Variants in SPAG9 observed in about 807,000 individuals in gnomAD.
SPAG9 encodes C-Jun-amino-terminal kinase-interacting protein 4.
Under a neutral mutation model 166.5 loss-of-function variants are expected in SPAG9, and 35 were observed. The ratio of observed to expected loss-of-function variants is 0.21; its 90% CI spans 0.16 to 0.28. SPAG9 has a LOEUF of 0.28. SPAG9 is among the 10% of genes least tolerant of loss of function. The pLI is 1.00. For missense variants in SPAG9, 1,235 were observed against 1,603.3 expected (o/e 0.77, Z 3.92); for synonymous variants, 534 against 565.5 (o/e 0.94, Z 0.79).
intron 2 of SPAG9, among the ~76,000 whole-genome samples, chr17:51,063,556 A>T (rs2047577756): frequency 6.6e-6 from 1 of 152,198 alleles, no homozygotes; most frequent in Non-Finnish European, 1.5e-5. Context: ...GTTAAATAAC[A>T]GGAAAAATAC....
At chr17:51,065,620 C>T (rs1231566492) in intron 2 of SPAG9, among the ~76,000 whole-genome samples, 1 of 152,168 alleles carries the variant, frequency 6.6e-6, no homozygotes, top group Admixed American at 6.6e-5. Flanking sequence ...ACTAATGGCC[C>T]CCACTAAGGC....
In SPAG9 at chr17:50,967,038, G is replaced by T. The variant is rs551143573; in HGVS notation, c.3851-651C>A. 4.8e-4 allele frequency among the ~76,000 whole-genome samples: 73 copies of T among 152,314 alleles called. 1 individual carries two copies. Among genetic ancestry groups the T allele is most frequent in the Admixed American group, 1.2e-3 (19 of 15,298 alleles). Reference sequence around the variant, plus strand: ...AGGTTGGGGTAGCAGCCAAGATACAGGTTCTTCTGCATCACGGCTAAGTGA... The same window carrying T: ...AGGTTGGGGTAGCAGCCAAGATACATGTTCTTCTGCATCACGGCTAAGTGA... On this transcript the variant is annotated intron_variant, in intron 29 of 29. Transcript: ENST00000262013.
At chr17:50,997,272 A>G (rs1255905351) in intron 15 of SPAG9, among the ~76,000 whole-genome samples, 2 of 152,162 alleles carry the variant, frequency 1.3e-5, no homozygotes, top group Non-Finnish European at 2.9e-5. Context: ...CAGCCACCAA[A>G]TTTATATCAG....
chr17:51,102,695 G>A (rs757066930), intron 1 of SPAG9, among the ~76,000 whole-genome samples: 1 of 151,856 alleles, frequency 6.6e-6, no homozygotes, highest in Non-Finnish European at 1.5e-5. Context: ...GTAGAGATGG[G>A]GTTTTACCAT....
chr17:51,088,513 A>C (rs1320780410), intron 1 of SPAG9, among the ~76,000 whole-genome samples: 1 of 152,170 alleles, frequency 6.6e-6, no homozygotes, highest in African/African-American at 2.4e-5. Flanking sequence ...AAGGGAAGTC[A>C]AGGCTGGACA....
chr17:50,970,650 A>T, intron 29 of SPAG9, 57 bp downstream of exon 29: 3 of 1,491,666 alleles, frequency 2.0e-6, no homozygotes, highest in African/African-American at 1.4e-5. Context: ...TTACTTTGGG[A>T]CAAAACCCAA....
In SPAG9 at chr17:51,017,339, A is replaced by G. The variant is rs138781884; in HGVS notation, c.1091+2820T>C. ...GAGGGATGAAGGAGGGGCAGGACGA[A>G]CATGTTATTTTAGATACCTGAAGAC... On this transcript the variant is annotated intron_variant, in intron 8 of 29. Coordinates refer to ENST00000262013, the MANE Select transcript of SPAG9 (RefSeq NM_001130528.3). 5.5e-3 allele frequency among the ~76,000 whole-genome samples: 837 copies of G among 152,302 alleles called. 8 individuals are homozygous for G. The highest frequency in any genetic ancestry group is 0.019 in the African/African-American group (775 of 41,550).
At chr17:51,087,860 T>A (rs745775648) in intron 1 of SPAG9, among the ~76,000 whole-genome samples, 1 of 152,078 alleles carries the variant, frequency 6.6e-6, no homozygotes, top group Non-Finnish European at 1.5e-5. Flanking sequence ...CTCAGCCTTC[T>A]GAGTAGCTGG....
At position 51,005,317 on chromosome 17, in the gene SPAG9, C is replaced by CA. The variant is rs1288250555; in HGVS notation, c.1425-55dup. On this transcript the variant is annotated intron_variant, in intron 11 of 29. Transcript: ENST00000262013. ...GTTATTTGAATTGAGCTCATCTTTTCAAAAAAATAAGAGTAGGTCAACAAT... is the reference window on the plus strand; with the variant it reads ...GTTATTTGAATTGAGCTCATCTTTTCAAAAAAAATAAGAGTAGGTCAACAAT... 80 of 1,544,896 alleles carry CA rather than the reference C, an allele frequency of 5.2e-5. 1 individual carries two copies. In the Admixed American group the frequency reaches 1.3e-3, roughly 26 times the overall value.
chr17:51,051,044 CAAAA>C (rs778219207), intron 3 of SPAG9, among the ~76,000 whole-genome samples: 2 of 115,028 alleles, frequency 1.7e-5, no homozygotes, highest in Non-Finnish European at 3.7e-5. Flanking sequence ...AAAAAAAAAA[CAAAA>C]AGAAAAAGAA....
At chr17:51,011,654 A>T (rs2045490032) in intron 9 of SPAG9, among the ~76,000 whole-genome samples, 1 of 152,176 alleles carries the variant, frequency 6.6e-6, no homozygotes, top group African/African-American at 2.4e-5. Flanking sequence ...AAGAGCTGGG[A>T]TTACAGGCAT....
Position 51,120,469 on chromosome 17 carries a change from G to A in SPAG9, c.188C>T (p.Ser63Leu). Residue 63 changes from serine (S) to leucine (L), a missense_variant, in exon 1 of 30, where the codon TCG (serine) becomes TTG (leucine). This residue lies in a region of SPAG9 where 83 missense variants were observed against 149.8 expected (regional missense o/e 0.55). Coordinates refer to ENST00000262013, the MANE Select transcript of SPAG9 (RefSeq NM_001130528.3). This position sits in a 1 kb window ranked among gnomAD's most constrained non-coding sequence, Gnocchi z 4.7. ...LVVAVLENLD[S>L]VFAQDQEHQV... ...GTGCTCCTGGTCCTGCGCGAACACC[G>A]AGTCCAGGTTCTCCAGCACAGCCAC... is the stretch of plus-strand genomic sequence containing the variant. 3.1e-6 allele frequency: 5 copies of A among 1,613,976 alleles called. No homozygotes were observed. The highest frequency in any genetic ancestry group is 2.5e-6 in the Non-Finnish European group (3 of 1,179,898).
intron 29 of SPAG9, among the ~76,000 whole-genome samples, chr17:50,967,492 G>T (rs1221896921): frequency 6.6e-6 from 1 of 152,140 alleles, no homozygotes; most frequent in Admixed American, 6.5e-5. Context: ...TCAAACTAGA[G>T]AGAGGAGAAC....
chr17:51,043,066 T>C (rs752428373), intron 4 of SPAG9, among the ~76,000 whole-genome samples: 3 of 152,104 alleles, frequency 2.0e-5, no homozygotes, highest in Non-Finnish European at 2.9e-5. Context: ...ATTTTTGTAT[T>C]TGTAGTAGAG....
intron 9 of SPAG9, among the ~76,000 whole-genome samples, chr17:51,011,065 C>T (rs1030744744): frequency 5.9e-5 from 9 of 152,068 alleles, no homozygotes; most frequent in Non-Finnish European, 1.2e-4. Flanking sequence ...AAGTTGATAT[C>T]ACAGAAACCC....
At chr17:51,079,785 A>G in intron 1 of SPAG9, 81 bp from the exon 2 acceptor site, 1 of 973,670 alleles carries the variant, frequency 1.0e-6, no homozygotes, top group Non-Finnish European at 1.5e-6. Context: ...TGGAATCAAT[A>G]ATCACAATTA....
intron 1 of SPAG9, among the ~76,000 whole-genome samples, chr17:51,118,501 C>T (rs1251166746): frequency 6.6e-6 from 1 of 152,108 alleles, no homozygotes; most frequent in Non-Finnish European, 1.5e-5. Context: ...CTGGAGGGAG[C>T]ATTTATTTTA....
intron 16 of SPAG9, chr17:50,995,814 C>A: frequency 3.1e-6 from 1 of 321,854 alleles, no homozygotes; most frequent in South Asian, 5.9e-5. Context: ...CAGGCACAGG[C>A]CACCACACCC....
Position 51,012,059 on chromosome 17 carries a change from AG to A in SPAG9, c.1213+2172del, listed in dbSNP as rs574271875. Reference sequence around the variant, plus strand: ...ATTCTTGTTAATACAAACAGCATAAAGGAATTTTGTGGGGTGATGTATATTG... The same window carrying A: ...ATTCTTGTTAATACAAACAGCATAAAGAATTTTGTGGGGTGATGTATATTG... On this transcript the variant is annotated intron_variant, in intron 9 of 29. Transcript: ENST00000262013. Among the ~76,000 whole-genome samples the A allele has an allele frequency of 7.9e-5, 12 of 152,310 alleles. No homozygotes were observed. The South Asian group carries it at 1.2e-3, about 16-fold the overall frequency.
Sources: gnomAD v4.1 joint callset for allele counts (sites outside exome capture counted in the v4.1 genomes callset) on GRCh38, gnomAD v4.1.1 for gene constraint, gnomAD v4.1.1 regional missense constraint, Gnocchi (gnomAD v3.1) non-coding constraint, MANE v1.5 for transcripts, NCBI Gene and HGNC (gene_info 2026-07-23, HGNC 2026-07-21) for gene names.